MPDZ: variants seen among roughly 807,000 people sequenced by gnomAD.
MPDZ encodes the protein multiple PDZ domain protein.
MPDZ carries 234 observed loss-of-function variants against 239.1 expected under a neutral mutation model. The observed-to-expected ratio is 0.98, with a 90% CI of 0.88 to 1.09. MPDZ has a LOEUF of 1.09. Ranked by LOEUF, MPDZ falls within the 50% of genes least tolerant of loss-of-function variation. The pLI, the probability that MPDZ is intolerant of heterozygous loss-of-function variation, is 0.00. For missense variants in MPDZ, 3,175 were observed against 2,510.0 expected, an observed-to-expected ratio of 1.26 and a Z score of -5.66; for synonymous variants, 1,048 against 881.3, an observed-to-expected ratio of 1.19 and a Z score of -3.35.
intron 32 of MPDZ, among the ~76,000 whole-genome samples, chr9:13,131,912 C>T (rs1946053722): frequency 6.6e-6 from 1 of 152,184 alleles, no homozygotes; most frequent in African/African-American, 2.4e-5. Context: ...AGTTAAGTGA[C>T]TCCAAAGCCC....
At chr9:13,170,480 G>T (rs1326284053) in intron 21 of MPDZ, among the ~76,000 whole-genome samples, 2 of 152,138 alleles carry the variant, frequency 1.3e-5, no homozygotes, top group African/African-American at 4.8e-5. Flanking sequence ...ACCGTTTCGG[G>T]TGAGAAAAAA....
chr9:13,143,117 ATG>A (rs559027100), intron 27 of MPDZ, among the ~76,000 whole-genome samples: 29 of 152,150 alleles, frequency 1.9e-4, no homozygotes, highest in Non-Finnish European at 3.7e-4. Flanking sequence ...AAATCAACAC[ATG>A]GTTTTAAAGA....
chr9:13,156,835 C>G (rs1490936704), intron 24 of MPDZ, among the ~76,000 whole-genome samples: 1 of 152,086 alleles, frequency 6.6e-6, no homozygotes, highest in Non-Finnish European at 1.5e-5. Flanking sequence ...TACCTCTATC[C>G]ACAAATAAAT....
At chr9:13,140,292 T>C (rs1947457821) in intron 27 of MPDZ, 143 bp from the exon 28 acceptor site, 2 of 382,540 alleles carry the variant, frequency 5.2e-6, no homozygotes, top group South Asian at 1.0e-4. Context: ...ATGTATATAA[T>C]ATATATATAA....
At chr9:13,265,335 T>C in intron 1 of MPDZ, among the ~76,000 whole-genome samples, 1 of 152,168 alleles carries the variant, frequency 6.6e-6, no homozygotes, top group East Asian at 1.9e-4. Context: ...TTTGGGACGC[T>C]GAGGCGGTCA....
intron 24 of MPDZ, among the ~76,000 whole-genome samples, chr9:13,152,660 G>A (rs983740179): frequency 3.3e-5 from 5 of 151,808 alleles, no homozygotes; most frequent in African/African-American, 1.2e-4. Context: ...TACCTGCCAT[G>A]GGCTCTGTAC....
chr9:13,271,723 G>A (rs776219426), intron 1 of MPDZ, among the ~76,000 whole-genome samples: 5 of 151,998 alleles, frequency 3.3e-5, no homozygotes, highest in Admixed American at 6.6e-5. Context: ...GAATGAATAC[G>A]CACCATAAGA....
intron 2 of MPDZ, 144 bp from the exon 3 acceptor site, chr9:13,247,945 G>C (rs1204940421): frequency 2.5e-6 from 2 of 804,038 alleles, no homozygotes; most frequent in Admixed American, 2.5e-5. Flanking sequence ...AAAAACAGTA[G>C]GCCGGACCCA....
intron 15 of MPDZ, among the ~76,000 whole-genome samples, chr9:13,190,790 G>A (rs1179474267): frequency 1.3e-5 from 2 of 152,072 alleles, no homozygotes; most frequent in Non-Finnish European, 2.9e-5. Flanking sequence ...ATACACAGTG[G>A]CAAAACATAA....
chr9:13,169,126 T>C (rs1951466093), intron 21 of MPDZ, among the ~76,000 whole-genome samples: 1 of 152,164 alleles, frequency 6.6e-6, no homozygotes. Context: ...TCTTCATACC[T>C]GGAGCCTACC....
At chr9:13,258,241 C>G (rs1056290961) in intron 1 of MPDZ, among the ~76,000 whole-genome samples, 1 of 152,210 alleles carries the variant, frequency 6.6e-6, no homozygotes, top group African/African-American at 2.4e-5. Context: ...TAACACAAAC[C>G]ATTCTGCTCA....
At chr9:13,248,024 C>T (rs1490136205) in intron 2 of MPDZ, among the ~76,000 whole-genome samples, 1 of 151,842 alleles carries the variant, frequency 6.6e-6, no homozygotes, top group African/African-American at 2.4e-5. Flanking sequence ...CTCAGGAGTT[C>T]GAGACCAGCC....
At chr9:13,258,247 G>A (rs980487062) in intron 1 of MPDZ, among the ~76,000 whole-genome samples, 1 of 152,186 alleles carries the variant, frequency 6.6e-6, no homozygotes, top group Admixed American at 6.5e-5. Flanking sequence ...AAACCATTCT[G>A]CTCAATGCAG....
chr9:13,160,516 C>A (rs987499251), intron 23 of MPDZ, among the ~76,000 whole-genome samples: 2 of 151,820 alleles, frequency 1.3e-5, no homozygotes, highest in Non-Finnish European at 2.9e-5. Flanking sequence ...TCAGATGTTA[C>A]CTGGTGTATT....
In MPDZ at chr9:13,113,928, T is replaced by G. The variant is rs1459869738; in HGVS notation, c.5557+3A>C. 6.3e-7 allele frequency: 1 copy of G among 1,580,462 alleles called. No individual in the cohort carries two copies. The highest frequency in any genetic ancestry group is 1.2e-5 in the South Asian group (1 of 86,222). Reference sequence around the variant, plus strand: ...CATGTTTAAAATACTGAACCAATCTTACATGCATTCTTCTTTGAGCTACTT... The same window carrying G: ...CATGTTTAAAATACTGAACCAATCTGACATGCATTCTTCTTTGAGCTACTT... On this transcript the variant is annotated splice_donor_region_variant and intron_variant, in intron 41 of 46. Transcript: ENST00000319217.
rs1941426452 is a variant in MPDZ at position 13,106,090 on chromosome 9, C to T, written c.*875G>A. ...TATGAATTGAAAACCAATTGCACAGCACACTAACACATTTTTAATGTTGCA... is the reference window on the plus strand; with the variant it reads ...TATGAATTGAAAACCAATTGCACAGTACACTAACACATTTTTAATGTTGCA... On this transcript the variant is annotated 3_prime_UTR_variant, in exon 47 of 47. Coordinates refer to ENST00000319217, the MANE Select transcript of MPDZ (RefSeq NM_001378778.1). 6.6e-6 allele frequency: 1 copy of T among 152,246 alleles called. No individual in the cohort carries two copies. Among genetic ancestry groups the T allele is most frequent in the Admixed American group, 6.5e-5 (1 of 15,276 alleles). 9.4% of individuals were successfully genotyped at this position (152,246 alleles called of 1,614,324 possible).
intron 21 of MPDZ, among the ~76,000 whole-genome samples, chr9:13,172,392 T>TTA (rs1407882218): frequency 6.6e-6 from 1 of 151,414 alleles, no homozygotes; most frequent in Non-Finnish European, 1.5e-5. Flanking sequence ...TTTTTGTTTT[T>TTA]TTTTTTTGAG....
intron 19 of MPDZ, among the ~76,000 whole-genome samples, chr9:13,182,951 A>G (rs901265107): frequency 2.0e-5 from 3 of 152,148 alleles, no homozygotes; most frequent in African/African-American, 7.2e-5. Flanking sequence ...ATTCTTTGGC[A>G]TCATTTTGTA....
intron 3 of MPDZ, among the ~76,000 whole-genome samples, chr9:13,243,844 T>G (rs1965982036): frequency 6.6e-6 from 1 of 152,126 alleles, no homozygotes; most frequent in Non-Finnish European, 1.5e-5. Flanking sequence ...CCTGGAAATA[T>G]TAAAGAAACA....
Sources: allele counts gnomAD v4.1 joint callset (sites outside exome capture counted in the v4.1 genomes callset), GRCh38; gene constraint gnomAD v4.1.1; transcripts MANE v1.5; gene names NCBI Gene and HGNC (gene_info 2026-07-23, HGNC 2026-07-21).